GRIN2A: variants seen among roughly 807,000 people sequenced by gnomAD.
GRIN2A encodes the protein glutamate receptor ionotropic, NMDA 2A.
In GRIN2A, 22 loss-of-function variants were observed where a neutral mutation model predicts 113.4. That is an observed-to-expected ratio of 0.19 (90% CI 0.14 to 0.28). GRIN2A has a LOEUF of 0.28. Among genes scored for constraint, GRIN2A ranks in the 10% least tolerant of loss-of-function variants. GRIN2A has a pLI of 1.00. For synonymous variants in GRIN2A, 827 were observed against 738.4 expected (o/e 1.12, Z -1.94); for missense variants, 1,502 against 1,887.0 (o/e 0.80, Z 3.78).
In GRIN2A at chr16:10,053,655, G is replaced by T. The variant is rs558414959; in HGVS notation, c.415-115104C>A. Among the ~76,000 whole-genome samples, 3 of 152,284 alleles carry T rather than the reference G, an allele frequency of 2.0e-5. No individual in the cohort carries two copies. In the East Asian group the frequency reaches 5.8e-4, roughly 29 times the overall value. ...AATGGAGCCAGGATTAGACCACTTTGCCTAGTCTACATCCTGCCACCTGCT... is the reference window on the plus strand; with the variant it reads ...AATGGAGCCAGGATTAGACCACTTTTCCTAGTCTACATCCTGCCACCTGCT... On this transcript the variant is annotated intron_variant, in intron 2 of 12. Transcript: ENST00000330684.
rs544284983 is a variant in GRIN2A at position 10,009,464 on chromosome 16, C to T, written c.415-70913G>A. 3.3e-4 allele frequency among the ~76,000 whole-genome samples: 50 copies of T among 152,162 alleles called. 1 individual carries two copies. The highest frequency in any genetic ancestry group is 1.3e-4 in the Non-Finnish European group (9 of 68,012). On this transcript the variant is annotated intron_variant, in intron 2 of 12. Coordinates refer to ENST00000330684, the MANE Select transcript of GRIN2A (RefSeq NM_001134407.3). ...GAGCGACATACTGTAATAGAGTATGCGCCACTCGAAACCATAAGTGCCCTT... is the reference window on the plus strand; with the variant it reads ...GAGCGACATACTGTAATAGAGTATGTGCCACTCGAAACCATAAGTGCCCTT...
At chr16:9,993,919 T>C (rs1306980501) in intron 2 of GRIN2A, among the ~76,000 whole-genome samples, 1 of 152,206 alleles carries the variant, frequency 6.6e-6, no homozygotes, top group African/African-American at 2.4e-5. Flanking sequence ...GGACACATCA[T>C]TGTAATCCTC....
chr16:9,910,534 G>GTTTTT (rs2044112532), intron 3 of GRIN2A, among the ~76,000 whole-genome samples: 1 of 138,822 alleles, frequency 7.2e-6, no homozygotes, highest in African/African-American at 2.7e-5. Context: ...AAGTCTCAGA[G>GTTTTT]TTCTTTTTTT....
chr16:9,894,619 C>T (rs2043765769), intron 3 of GRIN2A, among the ~76,000 whole-genome samples: 1 of 152,128 alleles, frequency 6.6e-6, no homozygotes, highest in East Asian at 1.9e-4. Flanking sequence ...GAACTGGAGT[C>T]AAATTCCTCA....
In GRIN2A at chr16:9,761,653, T is replaced by C. The variant is rs888554029; in HGVS notation, c.*1496A>G. ...ACTATCTTGTCGGGGGCACTTGTTTTTGTGGCAGGCACTGTGCTAACAGGC... is the reference window on the plus strand; with the variant it reads ...ACTATCTTGTCGGGGGCACTTGTTTCTGTGGCAGGCACTGTGCTAACAGGC... On this transcript the variant is annotated 3_prime_UTR_variant, in exon 13 of 13. Transcript: ENST00000330684. 8.7e-6 allele frequency: 2 copies of C among 228,798 alleles called. No individual in the cohort carries two copies. The highest frequency in any genetic ancestry group is 4.4e-5 in the African/African-American group (2 of 45,152). The allele number at this position is 228,798 out of a possible 1,614,324, so 14.2% of individuals were successfully genotyped here.
At chr16:9,997,373 C>G (rs530928913) in intron 2 of GRIN2A, among the ~76,000 whole-genome samples, 1 of 152,302 alleles carries the variant, frequency 6.6e-6, no homozygotes, top group South Asian at 2.1e-4. Context: ...CCCGGGGGAT[C>G]TCTTCCTGTG....
At chr16:9,883,210 G>C (rs967718402) in intron 4 of GRIN2A, among the ~76,000 whole-genome samples, 10 of 152,152 alleles carry the variant, frequency 6.6e-5, no homozygotes, top group African/African-American at 2.4e-4. Context: ...ATGTAAAATT[G>C]TCATCATAGT....
chr16:9,760,916 G>T lies in GRIN2A; in HGVS notation c.*2233C>A. The T allele has an allele frequency of 4.3e-6, 1 of 232,600 alleles. No homozygotes were observed. Among genetic ancestry groups the T allele is most frequent in the Non-Finnish European group, 8.5e-6 (1 of 117,642 alleles). The allele number at this position is 232,600 out of a possible 1,614,324, so 14.4% of individuals were successfully genotyped here. ...AAGGGCTAAAAGGCTACACAGTCAT[G>T]GAGATTCAGATTTAGGATCAGATGT... On this transcript the variant is annotated 3_prime_UTR_variant, in exon 13 of 13. Transcript: ENST00000330684.
At chr16:10,063,923 C>T (rs931890941) in intron 2 of GRIN2A, among the ~76,000 whole-genome samples, 3 of 152,150 alleles carry the variant, frequency 2.0e-5, no homozygotes, top group African/African-American at 7.2e-5. Flanking sequence ...TTATTCATGA[C>T]CCCACAGTCA....
intron 10 of GRIN2A, among the ~76,000 whole-genome samples, chr16:9,817,312 G>A (rs1342355335): frequency 1.3e-5 from 2 of 152,134 alleles, no homozygotes; most frequent in African/African-American, 2.4e-5. Flanking sequence ...GGCGTGCTGC[G>A]GGGAATGATG....
At chr16:9,921,890 C>T (rs1215756594) in intron 3 of GRIN2A, among the ~76,000 whole-genome samples, 6 of 152,174 alleles carry the variant, frequency 3.9e-5, no homozygotes, top group African/African-American at 7.2e-5. Flanking sequence ...AACCCTGTCT[C>T]TTTGGGGCCT....
At chr16:9,925,264 T>C (rs1476039508) in intron 3 of GRIN2A, among the ~76,000 whole-genome samples, 1 of 152,210 alleles carries the variant, frequency 6.6e-6, no homozygotes, top group Non-Finnish European at 1.5e-5. Context: ...GACAACCCCC[T>C]TCTGTGTACT....
intron 8 of GRIN2A, 46 bp downstream of exon 8, chr16:9,834,059 A>G: frequency 6.3e-7 from 1 of 1,597,274 alleles, no homozygotes; most frequent in Non-Finnish European, 8.6e-7. Flanking sequence ...TTAAAGGTAA[A>G]TGAAATTGCA....
At chr16:10,179,893 C>CCCAAAACA in intron 2 of GRIN2A, 105 bp downstream of exon 2, 2 of 719,818 alleles carry the variant, frequency 2.8e-6, no homozygotes, top group Non-Finnish European at 4.8e-6. Context: ...CCCCCACCCC[C>CCCAAAACA]ACTTCACATC....
intron 2 of GRIN2A, among the ~76,000 whole-genome samples, chr16:10,167,926 G>T (rs984011077): frequency 2.6e-5 from 4 of 152,182 alleles, no homozygotes; most frequent in Non-Finnish European, 5.9e-5. Context: ...AAATGCAGGA[G>T]AATACAACTG....
chr16:10,034,776 T>C (rs2141937589), intron 2 of GRIN2A, among the ~76,000 whole-genome samples: 1 of 152,260 alleles, frequency 6.6e-6, no homozygotes, highest in South Asian at 2.1e-4. Context: ...ACCCCTCCAC[T>C]CATCTCAAGA....
At chr16:9,818,294 G>A (rs956963182) in intron 10 of GRIN2A, among the ~76,000 whole-genome samples, 22 of 151,704 alleles carry the variant, frequency 1.5e-4, no homozygotes, top group Non-Finnish European at 3.2e-4. Context: ...ATAATCATCT[G>A]AGGAGTTGAA....
chr16:9,967,326 C>T (rs1422908610), intron 2 of GRIN2A, among the ~76,000 whole-genome samples: 11 of 152,256 alleles, frequency 7.2e-5, no homozygotes, highest in Middle Eastern at 3.4e-3. Context: ...TTATTCGAAG[C>T]GAAGTAACTC....
intron 11 of GRIN2A, among the ~76,000 whole-genome samples, chr16:9,772,562 G>T (rs528330343): frequency 1.3e-5 from 2 of 152,220 alleles, no homozygotes; most frequent in East Asian, 3.9e-4. Flanking sequence ...TAGTAGAGAC[G>T]AGGTTTCACC....
Sources: allele counts gnomAD v4.1 joint callset (sites outside exome capture counted in the v4.1 genomes callset), GRCh38; gene constraint gnomAD v4.1.1; transcripts MANE v1.5; gene names NCBI Gene and HGNC (gene_info 2026-07-23, HGNC 2026-07-21).